The following PRH1 variants were observed in gnomAD, a reference collection of about 807,000 sequenced individuals.
The protein encoded by PRH1 is salivary acidic proline-rich phosphoprotein 1/2.
A neutral mutation model predicts 7.9 loss-of-function variants in PRH1; 7 were observed. The ratio of observed to expected loss-of-function variants is 0.89; its 90% CI spans 0.50 to 1.67. PRH1 has a LOEUF of 1.67. PRH1 is among the 40% of genes most tolerant of loss of function. The pLI is 0.00. For synonymous variants in PRH1, 45 were observed against 80.8 expected, an observed-to-expected ratio of 0.56 and a Z score of 2.38; for missense variants, 109 against 223.6, an observed-to-expected ratio of 0.49 and a Z score of 3.27.
chr12:11,139,891 T>A (rs183285425), intron 1 of PRH1, among the ~76,000 whole-genome samples: 1 of 152,294 alleles, frequency 6.6e-6, no homozygotes, highest in African/African-American at 2.4e-5. Flanking sequence ...CATTGTTTCA[T>A]ATCCTTTCCA....
intron 1 of PRH1, chr12:10,997,761 G>T: frequency 6.2e-7 from 1 of 1,613,886 alleles, no homozygotes; most frequent in Non-Finnish European, 8.5e-7. Flanking sequence ...GAGATCTTTT[G>T]TCTCTTGACC....
chr12:10,899,043 G>A (rs1329138477), intron 2 of PRH1, among the ~76,000 whole-genome samples: 5 of 152,176 alleles, frequency 3.3e-5, no homozygotes, highest in East Asian at 1.9e-4. Context: ...TTGTACTTGC[G>A]TGGTGCCTAC....
chr12:11,156,699 CTA>C lies in PRH1; in HGVS notation n.39+14721_39+14722del, dbSNP rs1240179860. Reference sequence around the variant, plus strand: ...TTGGTGGTAGAAAGAAACTTTCACTCTATTTCTGTAAGTTATTTCTATGGATA... The same window carrying C: ...TTGGTGGTAGAAAGAAACTTTCACTCTTTCTGTAAGTTATTTCTATGGATA... On this transcript the variant is annotated intron_variant and non_coding_transcript_variant, in intron 1 of 1. Transcript: ENST00000541175. Among the ~76,000 whole-genome samples, 3 of 152,222 alleles carry C rather than the reference CTA, an allele frequency of 2.0e-5. No individual in the cohort carries two copies. The East Asian group carries it at 5.8e-4, about 29-fold the overall frequency.
chr12:11,049,170 T>G (rs1391704044), upstream of PRH1: 1 of 1,098,200 alleles, frequency 9.1e-7, no homozygotes, highest in Non-Finnish European at 1.2e-6. Context: ...GGACACCTAC[T>G]AGAGCTATGA....
At chr12:11,006,371 C>CTTTTTTTTTTTTT (rs199571634) in intron 1 of PRH1, 2 of 123,208 alleles carry the variant, frequency 1.6e-5, no homozygotes, top group Non-Finnish European at 1.7e-5. Flanking sequence ...TTCTCCTTTT[C>CTTTTTTTTTTTTT]TTTTTTTTTT....
intron 2 of PRH1, among the ~76,000 whole-genome samples, chr12:10,956,582 G>T (rs1343953983): frequency 2.0e-5 from 3 of 152,082 alleles, no homozygotes; most frequent in African/African-American, 4.8e-5. Flanking sequence ...CAATCAGGAA[G>T]AGAAATAAAT....
At chr12:10,995,960 A>G (rs1183428633) in intron 1 of PRH1, among the ~76,000 whole-genome samples, 4 of 152,098 alleles carry the variant, frequency 2.6e-5, no homozygotes, top group Non-Finnish European at 5.9e-5. Context: ...TACACTAGAT[A>G]TATTTTTCAC....
chr12:10,917,425 C>T (rs1476712893), intron 2 of PRH1, among the ~76,000 whole-genome samples: 3 of 152,144 alleles, frequency 2.0e-5, no homozygotes, highest in African/African-American at 4.8e-5. Context: ...TTGTTAATTA[C>T]ATTAAAATCA....
chr12:10,899,450 C>A (rs1489983231), intron 2 of PRH1, among the ~76,000 whole-genome samples: 1 of 152,132 alleles, frequency 6.6e-6, no homozygotes, highest in Non-Finnish European at 1.5e-5. Flanking sequence ...AGGGTTGGTT[C>A]CCTCATGAAT....
chr12:11,133,995 CA>C, intron 1 of PRH1: 1 of 1,614,048 alleles, frequency 6.2e-7, no homozygotes, highest in Non-Finnish European at 8.5e-7. Flanking sequence ...ACATTATAAG[CA>C]GTAATTCTTA....
chr12:11,061,220 T>A (rs1943585475), intron 1 of PRH1: 2 of 1,180,280 alleles, frequency 1.7e-6, no homozygotes, highest in Admixed American at 2.9e-5. Flanking sequence ...TTTTTTAGAC[T>A]AACGTTAGGT....
At position 10,922,825 on chromosome 12, in the gene PRH1, C is replaced by CTTTTTTTTTTTTT. The variant is rs139253542; in HGVS notation, c.-58-38551_-58-38550insAAAAAAAAAAAAA. On this transcript the variant is annotated intron_variant, in intron 2 of 3. Coordinates refer to the PRH1 transcript ENST00000539853. ...ATTGCATCTTTTCCATGAATTTTTT[C>CTTTTTTTTTTTTT]TTTTTCTTTTTTTTGAGACGGAGTC... is the stretch of plus-strand genomic sequence containing the variant. Among the ~76,000 whole-genome samples, 1,125 of 113,402 alleles carry CTTTTTTTTTTTTT rather than the reference C, an allele frequency of 9.9e-3. 293 individuals carry two copies. Among genetic ancestry groups the CTTTTTTTTTTTTT allele is most frequent in the East Asian group, 0.015 (48 of 3,310 alleles). The allele number at this position is 113,402 out of a possible 152,430, so 74.4% of individuals were successfully genotyped here.
In PRH1 at chr12:11,093,851, C is replaced by G. The variant is rs1233886502; in HGVS notation, n.124-46663G>C. 1.8e-5 allele frequency among the ~76,000 whole-genome samples: 2 copies of G among 113,872 alleles called. 1 individual carries two copies. The highest frequency in any genetic ancestry group is 4.1e-5 in the Non-Finnish European group (2 of 48,290). The allele number at this position is 113,872 out of a possible 152,430, so 74.7% of individuals were successfully genotyped here. A position where few individuals can be genotyped will look rare whatever the true frequency, so the allele number is the denominator to read the frequency against. ...ATGGCTTCCATACTGGGGATTCTTC[C>G]TCTTTCCATTTACCATGAGAATATC... is the stretch of plus-strand genomic sequence containing the variant. On this transcript the variant is annotated intron_variant and non_coding_transcript_variant, in intron 1 of 4. Transcript: ENST00000541977.
intron 1 of PRH1, among the ~76,000 whole-genome samples, chr12:11,023,887 T>C (rs937725456): frequency 1.3e-5 from 2 of 152,146 alleles, no homozygotes; most frequent in African/African-American, 4.8e-5. Context: ...CAGTTTTCTC[T>C]TGCAGAAAAA....
chr12:11,092,443 C>T (rs1481106624), intron 1 of PRH1: 5 of 306,714 alleles, frequency 1.6e-5, no homozygotes, highest in East Asian at 8.6e-5. Context: ...GAGTGAAAGG[C>T]AACCCAGGTA....
At chr12:10,942,479 C>G (rs1342814739) in intron 2 of PRH1, among the ~76,000 whole-genome samples, 1 of 152,066 alleles carries the variant, frequency 6.6e-6, no homozygotes, top group Non-Finnish European at 1.5e-5. Flanking sequence ...TGCAGGTTGT[C>G]GTGGAAGTGA....
At chr12:11,031,075 G>C (rs779833946) in intron 1 of PRH1, 5 of 1,614,180 alleles carry the variant, frequency 3.1e-6, no homozygotes, top group Non-Finnish European at 4.2e-6. Flanking sequence ...TTACTGCCCA[G>C]ACATTATAAG....
intron 1 of PRH1, chr12:10,986,419 T>G: frequency 6.2e-7 from 1 of 1,614,084 alleles, no homozygotes. Context: ...TCATCCATGT[T>G]TGCCACAAGA....
In PRH1 at chr12:11,031,252, T is replaced by A. The variant is rs770245585; in HGVS notation, c.-126+15768A>T. On this transcript the variant is annotated intron_variant, in intron 1 of 3. Coordinates refer to the PRH1 transcript ENST00000539853. ...TGACCCGCTCAATGGAATTTACCAATGCTATGAAGCCATTAGCAAAATTTC... is the reference window on the plus strand; with the variant it reads ...TGACCCGCTCAATGGAATTTACCAAAGCTATGAAGCCATTAGCAAAATTTC... 2.0e-5 allele frequency: 30 copies of A among 1,515,912 alleles called. No homozygotes were observed. In the East Asian group the frequency reaches 6.4e-4, roughly 32 times the overall value. 93.9% of individuals were successfully genotyped at this position (1,515,912 alleles called of 1,614,324 possible). A position where few individuals can be genotyped will look rare whatever the true frequency, so the allele number is the denominator to read the frequency against.
Sources: gnomAD v4.1 joint callset for allele counts (sites outside exome capture counted in the v4.1 genomes callset) on GRCh38, gnomAD v4.1.1 for gene constraint, MANE v1.5 for transcripts, NCBI Gene and HGNC (gene_info 2026-07-23, HGNC 2026-07-21) for gene names.